Variants in ANKRD45 observed in about 807,000 individuals in gnomAD.
ANKRD45 encodes the protein ankyrin repeat domain 45.
Under a neutral mutation model 28.1 loss-of-function variants are expected in ANKRD45, and 21 were observed. That is an observed-to-expected ratio of 0.75 (90% CI 0.53 to 1.08). The LOEUF (loss-of-function observed/expected upper bound fraction) is 1.08, where lower values mean the gene tolerates loss of function less well. ANKRD45 is among the 50% of genes least tolerant of loss of function. The pLI is 0.00. For synonymous variants in ANKRD45, 86 were observed against 103.9 expected, an observed-to-expected ratio of 0.83 and a Z score of 1.05; for missense variants, 261 against 308.7, an observed-to-expected ratio of 0.85 and a Z score of 1.16.
the ANKRD45 span, among the ~76,000 whole-genome samples, chr1:173,688,379 T>TCTCTGCCTCTTC: frequency 6.7e-6 from 1 of 148,712 alleles, no homozygotes; most frequent in African/African-American, 2.6e-5. Flanking sequence ...CCTCTTCCTC[T>TCTCTGCCTCTTC]CTCTCTCTGC....
intron 3 of ANKRD45, among the ~76,000 whole-genome samples, chr1:173,646,044 A>G (rs1461018): frequency 0.17 from 25,862 of 152,250 alleles, 7,322 homozygotes; most frequent in African/African-American, 0.59. Context: ...TGGGAATTCA[A>G]TAAATGCTTG....
chr1:173,646,093 C>A (rs1668908290), intron 3 of ANKRD45, among the ~76,000 whole-genome samples: 1 of 152,166 alleles, frequency 6.6e-6, no homozygotes, highest in Non-Finnish European at 1.5e-5. Flanking sequence ...AAAATAAATG[C>A]TGTAAACTTC....
rs888318800 is a variant in ANKRD45 at position 173,655,723 on chromosome 1, G to A, written c.328+3368C>T. Among the ~76,000 whole-genome samples the A allele has an allele frequency of 4.7e-4, 72 of 152,224 alleles. 1 individual carries two copies. Among genetic ancestry groups the A allele is most frequent in the African/African-American group, 1.6e-3 (65 of 41,452 alleles). On this transcript the variant is annotated intron_variant, in intron 2 of 5. Coordinates refer to ENST00000333279, the MANE Select transcript of ANKRD45 (RefSeq NM_198493.3). ...TGACCCCAGAGGTGGAGTCAACAGAGGCAGCAGGCCTTGCTGAGCTGTGGT... is the reference window on the plus strand; with the variant it reads ...TGACCCCAGAGGTGGAGTCAACAGAAGCAGCAGGCCTTGCTGAGCTGTGGT...
At position 173,626,453 on chromosome 1, in the gene ANKRD45, T is replaced by C. The variant is rs944498919; in HGVS notation, c.591+612A>G. Among the ~76,000 whole-genome samples the C allele has an allele frequency of 3.9e-5, 6 of 152,290 alleles. No individual in the cohort carries two copies. In the East Asian group the frequency reaches 9.6e-4, roughly 24 times the overall value. On this transcript the variant is annotated intron_variant, in intron 4 of 5. Transcript: ENST00000333279. The stretch of plus-strand genomic sequence containing the variant: ...GGAAAATTTGACACATTAAATAATA[T>C]GCAATGTATTTGTACATGTACATAT...
chr1:173,683,964 A>T, the ANKRD45 span, among the ~76,000 whole-genome samples: 1 of 152,314 alleles, frequency 6.6e-6, no homozygotes, highest in African/African-American at 2.4e-5. Flanking sequence ...CTGCTGTGTC[A>T]TTCCCCTATT....
intron 3 of ANKRD45, among the ~76,000 whole-genome samples, chr1:173,636,047 A>G (rs1454796535): frequency 6.6e-6 from 1 of 152,140 alleles, no homozygotes; most frequent in East Asian, 1.9e-4. Context: ...GAAGGTCCTT[A>G]GAATCATCTA....
chr1:173,612,344 G>GAAGGAAGGAAGC (rs1667202563), intron 5 of ANKRD45, among the ~76,000 whole-genome samples: 1 of 150,438 alleles, frequency 6.6e-6, no homozygotes, highest in African/African-American at 2.5e-5. Context: ...AGGAAGGAAG[G>GAAGGAAGGAAGC]AAGGAAGGAA....
intron 2 of ANKRD45, among the ~76,000 whole-genome samples, chr1:173,649,713 A>G (rs934361089): frequency 2.6e-5 from 4 of 152,288 alleles, no homozygotes; most frequent in African/African-American, 9.6e-5. Flanking sequence ...ATATTCTGTG[A>G]TGTCTCAAGA....
chr1:173,708,104 T>C, the ANKRD45 span, among the ~76,000 whole-genome samples: 1 of 152,374 alleles, frequency 6.6e-6, no homozygotes, highest in Non-Finnish European at 1.5e-5. Flanking sequence ...ATTTCTATTT[T>C]TAGAGTAAGA....
chr1:173,697,676 G>C, the ANKRD45 span, among the ~76,000 whole-genome samples: 1 of 152,138 alleles, frequency 6.6e-6, no homozygotes, highest in African/African-American at 2.4e-5. Flanking sequence ...CACTAAACAT[G>C]GAAAGGAACA....
intron 5 of ANKRD45, among the ~76,000 whole-genome samples, chr1:173,615,831 C>T (rs978404022): frequency 4.6e-5 from 7 of 152,222 alleles, no homozygotes; most frequent in Admixed American, 3.3e-4. Flanking sequence ...GGGCCGGGCA[C>T]GGTGGCTCAC....
At chr1:173,623,228 G>T (rs372804117) in intron 5 of ANKRD45, among the ~76,000 whole-genome samples, 1 of 151,478 alleles carries the variant, frequency 6.6e-6, no homozygotes, top group Non-Finnish European at 1.5e-5. Context: ...CAAGAGAATC[G>T]CTTGAACCCA....
At chr1:173,632,676 G>C (rs1430089680) in intron 3 of ANKRD45, among the ~76,000 whole-genome samples, 2 of 151,938 alleles carry the variant, frequency 1.3e-5, no homozygotes, top group Non-Finnish European at 2.9e-5. Context: ...TCATGACCAA[G>C]TGACATTTAT....
At chr1:173,703,328 C>A in the ANKRD45 span, among the ~76,000 whole-genome samples, 1 of 151,900 alleles carries the variant, frequency 6.6e-6, no homozygotes, top group Non-Finnish European at 1.5e-5. Flanking sequence ...CTCAGCCTCC[C>A]GAGTAGCTGG....
Position 173,644,406 on chromosome 1 carries a change from A to G in ANKRD45, c.496+2440T>C, listed in dbSNP as rs576311645. On this transcript the variant is annotated intron_variant, in intron 3 of 5. Coordinates refer to ENST00000333279, the MANE Select transcript of ANKRD45 (RefSeq NM_198493.3). Reference sequence around the variant, plus strand: ...ATGTTGAGTTATTTATGTTTCTGACATTCCACAGCTACATTACTATGAAAC... The same window carrying G: ...ATGTTGAGTTATTTATGTTTCTGACGTTCCACAGCTACATTACTATGAAAC... Among the ~76,000 whole-genome samples, 22 of 152,356 alleles carry G rather than the reference A, an allele frequency of 1.4e-4. No individual in the cohort carries two copies. The East Asian group carries it at 3.9e-3, about 27-fold the overall frequency.
At chr1:173,643,057 TTAAG>T (rs1418875716) in intron 3 of ANKRD45, among the ~76,000 whole-genome samples, 17 of 152,178 alleles carry the variant, frequency 1.1e-4, no homozygotes, top group African/African-American at 3.9e-4. Context: ...TGCTACATGT[TTAAG>T]TGTTTTGTTA....
At chr1:173,619,062 A>G (rs544729464) in intron 5 of ANKRD45, among the ~76,000 whole-genome samples, 1 of 152,270 alleles carries the variant, frequency 6.6e-6, no homozygotes, top group African/African-American at 2.4e-5. Flanking sequence ...AGGAGAAATA[A>G]GATCCTTTTC....
Position 173,624,770 on chromosome 1 carries a change from T to G in ANKRD45, c.730+17A>C. ...CATCCCTTCTGACATTCAAACCACCTTTTATCCAAAACTTACATGGTGTAG... is the reference window on the plus strand; with the variant it reads ...CATCCCTTCTGACATTCAAACCACCGTTTATCCAAAACTTACATGGTGTAG... On this transcript the variant is annotated intron_variant, in intron 5 of 5. Transcript: ENST00000333279. 1 of 1,603,984 alleles carries G rather than the reference T, an allele frequency of 6.2e-7. No homozygotes were observed. The highest frequency in any genetic ancestry group is 8.5e-7 in the Non-Finnish European group (1 of 1,174,400).
intron 1 of ANKRD45, among the ~76,000 whole-genome samples, chr1:173,664,567 T>C (rs990461509): frequency 1.1e-4 from 16 of 152,184 alleles, no homozygotes; most frequent in African/African-American, 1.7e-4. Context: ...ATAAGCCCAC[T>C]TTCTTCCTAA....
Sources: gnomAD v4.1 joint callset for allele counts (sites outside exome capture counted in the v4.1 genomes callset) on GRCh38, gnomAD v4.1.1 for gene constraint, MANE v1.5 for transcripts, NCBI Gene and HGNC (gene_info 2026-07-23, HGNC 2026-07-21) for gene names.